Variants in STAB2 observed in about 807,000 individuals in gnomAD.
The protein encoded by STAB2 is stabilin-2.
STAB2 carries 288 observed loss-of-function variants against 338.1 expected under a neutral mutation model. That is an observed-to-expected ratio of 0.85 (90% confidence interval 0.77 to 0.94). The LOEUF is 0.94. Ranked by LOEUF, STAB2 falls within the 40% of genes least tolerant of loss-of-function variation. The pLI is 0.00. For missense variants in STAB2, 3,141 were observed against 3,210.1 expected, an observed-to-expected ratio of 0.98 and a Z score of 0.52; for synonymous variants, 1,202 against 1,193.3, an observed-to-expected ratio of 1.01 and a Z score of -0.15.
At chr12:103,705,580 T>A (rs1333159804) in intron 36 of STAB2, 52 bp from the exon 37 acceptor site, 48 of 1,553,904 alleles carry the variant, frequency 3.1e-5, no homozygotes, top group Non-Finnish European at 4.1e-5. Context: ...TTTCGGAGAC[T>A]GGAAAACTTT....
chr12:103,724,952 T>C, intron 44 of STAB2, 23 bp from the exon 45 acceptor site: 1 of 1,612,302 alleles, frequency 6.2e-7, no homozygotes, highest in Non-Finnish European at 8.5e-7. Context: ...TCCCCATCCC[T>C]TGCCCCTTGG....
At chr12:103,660,857 A>T (rs756364155) in intron 17 of STAB2, 94 bp downstream of exon 17, 1 of 1,316,924 alleles carries the variant, frequency 7.6e-7, no homozygotes, top group Non-Finnish European at 1.1e-6. Context: ...ATGCTAACTC[A>T]TGGGCTTAAA....
At chr12:103,725,546 G>A (rs142906254) in intron 45 of STAB2, among the ~76,000 whole-genome samples, 16 of 152,212 alleles carry the variant, frequency 1.1e-4, no homozygotes, top group South Asian at 6.2e-4. Context: ...GCATGTGTGC[G>A]TGTGCATGTG....
chr12:103,641,901 C>T (rs1380546268), intron 9 of STAB2, among the ~76,000 whole-genome samples: 1 of 152,214 alleles, frequency 6.6e-6, no homozygotes, highest in Non-Finnish European at 1.5e-5. Context: ...ATGAAGTCAT[C>T]AGTCCTCAGG....
At chr12:103,745,536 A>C (rs182209830) in intron 57 of STAB2, among the ~76,000 whole-genome samples, 2 of 152,330 alleles carry the variant, frequency 1.3e-5, no homozygotes, top group East Asian at 1.9e-4. Context: ...CCTCAAGCAC[A>C]GAATCCCAGG....
intron 3 of STAB2, among the ~76,000 whole-genome samples, chr12:103,598,669 T>G (rs1230214037): frequency 6.6e-6 from 1 of 152,204 alleles, no homozygotes; most frequent in East Asian, 1.9e-4. Flanking sequence ...AAAAACCAAA[T>G]GAGCTGTTTT....
At chr12:103,659,895 A>T (rs1018418850) in intron 15 of STAB2, among the ~76,000 whole-genome samples, 3 of 152,244 alleles carry the variant, frequency 2.0e-5, no homozygotes, top group African/African-American at 7.2e-5. Context: ...GAGCAAATGG[A>T]ACAGAATAAT....
intron 3 of STAB2, among the ~76,000 whole-genome samples, chr12:103,613,986 C>G (rs764397421): frequency 6.6e-6 from 1 of 152,028 alleles, no homozygotes; most frequent in Non-Finnish European, 1.5e-5. Flanking sequence ...TTGTTTATAT[C>G]TTTCTTCTTT....
chr12:103,720,391 AACAGGAAG>A (rs1880668077), intron 44 of STAB2, among the ~76,000 whole-genome samples: 1 of 152,204 alleles, frequency 6.6e-6, no homozygotes, highest in African/African-American at 2.4e-5. Context: ...GAATAATATC[AACAGGAAG>A]ACCCAAATCA....
intron 4 of STAB2, 96 bp downstream of exon 4, chr12:103,620,649 ACACACG>A: frequency 1.0e-6 from 1 of 982,090 alleles, no homozygotes; most frequent in Non-Finnish European, 1.5e-6. Context: ...ACACACACAC[ACACACG>A]TGCACACACA....
At position 103,685,043 on chromosome 12, in the gene STAB2, T is replaced by A; in HGVS notation, c.2956T>A (p.Tyr986Asn). 6.2e-7 allele frequency: 1 copy of A among 1,614,052 alleles called. No homozygotes were observed. Among genetic ancestry groups the A allele is most frequent in the Non-Finnish European group, 8.5e-7 (1 of 1,179,932 alleles). The change falls in exon 27 of 69, where the codon TAT (tyrosine) becomes AAT (asparagine). Residue 986 changes from tyrosine to asparagine, a missense_variant. Coordinates refer to ENST00000388887, the MANE Select transcript of STAB2 (RefSeq NM_017564.10). ...CTGGAGCTGTGTTTGTCAAGAGGGC[T>A]ATGAAGGAGATGGCTTTCTGTGCTA... ...GVWSCVCQEG[Y>N]EGDGFLCYGN...
At chr12:103,758,131 C>T (rs370589581) in intron 63 of STAB2, 39 bp from the exon 64 acceptor site, 20 of 1,612,992 alleles carry the variant, frequency 1.2e-5, no homozygotes, top group Non-Finnish European at 1.7e-5. Context: ...CCCTGCACAC[C>T]AGGGCTGGCC....
chr12:103,685,385 G>A (rs1005854591), intron 27 of STAB2, among the ~76,000 whole-genome samples: 16 of 152,004 alleles, frequency 1.1e-4, no homozygotes, highest in Middle Eastern at 6.8e-3. Flanking sequence ...TGGGTTCACT[G>A]GGCTCTCCTG....
chr12:103,755,189 C>T (rs1442753972), intron 61 of STAB2, 113 bp from the exon 62 acceptor site: 13 of 1,454,246 alleles, frequency 8.9e-6, no homozygotes, highest in Non-Finnish European at 1.2e-5. Flanking sequence ...GTGCAATAGG[C>T]AAAGTGAGAC....
intron 8 of STAB2, among the ~76,000 whole-genome samples, chr12:103,638,952 A>T (rs957804161): frequency 6.6e-6 from 1 of 152,190 alleles, no homozygotes; most frequent in African/African-American, 2.4e-5. Flanking sequence ...AATCACCTGG[A>T]TGCTAGCTGA....
At position 103,704,567 on chromosome 12, in the gene STAB2, A is replaced by G; in HGVS notation, c.3853A>G (p.Arg1285Gly). The stretch of plus-strand genomic sequence containing the variant: ...TTTGTGTTTTACCAAGGGAAGATGT[A>G]GGACATGCTCCTCAGAGCTGACCTG... ...NDTTIIRGRC[R>G]TCSSELTCPF... Residue 1285 changes from arginine (R) to glycine (G), a missense_variant, in exon 36 of 69, where the codon AGG becomes GGG. Transcript: ENST00000388887. 1 of 1,613,650 alleles carries G rather than the reference A, an allele frequency of 6.2e-7. No individual in the cohort carries two copies. The highest frequency in any genetic ancestry group is 8.5e-7 in the Non-Finnish European group (1 of 1,179,832).
intron 57 of STAB2, 33 bp downstream of exon 57, chr12:103,745,310 C>G: frequency 6.3e-7 from 1 of 1,597,692 alleles, no homozygotes; most frequent in Non-Finnish European, 8.5e-7. Context: ...TGCTGGCAGC[C>G]CAGGGCTGCA....
In STAB2 at chr12:103,690,500, T is replaced by C; in HGVS notation, c.3259T>C (p.Leu1087=). 1 of 1,614,140 alleles carries C rather than the reference T, an allele frequency of 6.2e-7. No individual in the cohort carries two copies. The highest frequency in any genetic ancestry group is 1.1e-5 in the South Asian group (1 of 91,086). The part of the protein sequence containing the change: ...LSSSDMLATS[L]QGNFLHLAKV... ...TTCTTCTGACATGTTGGCAACATCT[T>C]TGCAGGGCAACTTCCTTCACTTGGC... The change falls in exon 30 of 69, where the codon TTG becomes CTG. Residue 1087 remains leucine (L), a synonymous_variant. Transcript: ENST00000388887.
Position 103,758,026 on chromosome 12 carries a change from A to G in STAB2, c.6988-144A>G. ...CCTCAAACTCTCCCACGGCGCAGGC[A>G]GAAGACACAGCAAAGGAGCAGCAGG... On this transcript the variant is annotated intron_variant, in intron 63 of 68. Coordinates refer to ENST00000388887, the MANE Select transcript of STAB2 (RefSeq NM_017564.10). 2.5e-6 allele frequency: 3 copies of G among 1,223,496 alleles called. No individual in the cohort carries two copies. The South Asian group carries it at 4.4e-5, about 18-fold the overall frequency. 75.8% of individuals were successfully genotyped at this position (1,223,496 alleles called of 1,614,324 possible). A position where few individuals can be genotyped will look rare whatever the true frequency, so the allele number is the denominator to read the frequency against.
Sources: gnomAD v4.1 joint callset for allele counts (sites outside exome capture counted in the v4.1 genomes callset) on GRCh38, gnomAD v4.1.1 for gene constraint, MANE v1.5 for transcripts, NCBI Gene and HGNC (gene_info 2026-07-23, HGNC 2026-07-21) for gene names.